Variants in SIK2 observed in about 807,000 individuals in gnomAD.
SIK2 encodes the protein serine/threonine-protein kinase SIK2.
A neutral mutation model predicts 103.2 loss-of-function variants in SIK2; 29 were observed. The ratio of observed to expected loss-of-function variants is 0.28; its 90% CI spans 0.21 to 0.38. The LOEUF (loss-of-function observed/expected upper bound fraction) is 0.38, where lower values mean the gene tolerates loss of function less well. Among genes scored for constraint, SIK2 ranks in the 10% least tolerant of loss-of-function variants. The pLI, the probability that SIK2 is intolerant of heterozygous loss-of-function variation, is 1.00. For synonymous variants in SIK2, 412 were observed against 446.1 expected, an observed-to-expected ratio of 0.92 and a Z score of 0.96; for missense variants, 879 against 1,171.0, an observed-to-expected ratio of 0.75 and a Z score of 3.64.
At chr11:111,713,964 C>G (rs1329626169) in intron 9 of SIK2, among the ~76,000 whole-genome samples, 1 of 151,396 alleles carries the variant, frequency 6.6e-6, no homozygotes, top group African/African-American at 2.4e-5. Flanking sequence ...AAGACTGCAT[C>G]TCAAAAAAAA....
chr11:111,614,620 T>TGAG (rs1249631421), intron 1 of SIK2, among the ~76,000 whole-genome samples: 1 of 152,150 alleles, frequency 6.6e-6, no homozygotes, highest in Non-Finnish European at 1.5e-5. Context: ...TTGAGTGGGC[T>TGAG]GAGGAGGAGG....
At position 111,722,356 on chromosome 11, in the gene SIK2, G is replaced by A. The variant is rs541853726; in HGVS notation, c.2056-309G>A. On this transcript the variant is annotated intron_variant, in intron 13 of 14. Coordinates refer to ENST00000304987, the MANE Select transcript of SIK2 (RefSeq NM_015191.3). The surrounding 1 kb of genome is among the most constrained non-coding windows in gnomAD (Gnocchi z 4.4). Reference sequence around the variant, plus strand: ...GTAAAGGATGAATCATTCATTCAGCGGGTGCTGGGGCCTTTGCTCTCAAGA... The same window carrying A: ...GTAAAGGATGAATCATTCATTCAGCAGGTGCTGGGGCCTTTGCTCTCAAGA... 9.8e-5 allele frequency among the ~76,000 whole-genome samples: 15 copies of A among 152,324 alleles called. No homozygotes were observed. The highest frequency in any genetic ancestry group is 8.3e-4 in the South Asian group (4 of 4,828).
chr11:111,719,769 G>T lies in SIK2; in HGVS notation c.1267-6G>T. The T allele has an allele frequency of 1.2e-6, 2 of 1,611,880 alleles. No homozygotes were observed. Among genetic ancestry groups the T allele is most frequent in the Non-Finnish European group, 1.7e-6 (2 of 1,178,990 alleles). ...AACTGAGTTTCCTCTCTCCCCTGGC[G>T]TTTAGGTCAATGGCTGTCTGCTTGA... is the stretch of plus-strand genomic sequence containing the variant. On this transcript the variant is annotated splice_polypyrimidine_tract_variant and splice_region_variant and intron_variant, in intron 9 of 14. Coordinates refer to ENST00000304987, the MANE Select transcript of SIK2 (RefSeq NM_015191.3).
At chr11:111,707,135 T>C (rs1198662362) in intron 8 of SIK2, among the ~76,000 whole-genome samples, 4 of 152,218 alleles carry the variant, frequency 2.6e-5, no homozygotes, top group Admixed American at 6.5e-5. Flanking sequence ...TAAGACGTAG[T>C]GGAACTCTTT....
At chr11:111,723,383 C>G in intron 14 of SIK2, 113 bp from the exon 15 acceptor site, 2 of 1,188,562 alleles carry the variant, frequency 1.7e-6, no homozygotes, top group South Asian at 3.1e-5. Context: ...TTTTTGCTGA[C>G]ATGAGAGAGA....
intron 3 of SIK2, among the ~76,000 whole-genome samples, chr11:111,633,411 C>A (rs1264378954): frequency 1.3e-5 from 2 of 152,120 alleles, no homozygotes; most frequent in South Asian, 2.1e-4. Context: ...TTTACAAATA[C>A]CTGTTGAATG....
chr11:111,643,640 G>C (rs561435978), intron 3 of SIK2, among the ~76,000 whole-genome samples: 1 of 150,682 alleles, frequency 6.6e-6, no homozygotes. Flanking sequence ...GTGAAACCCC[G>C]TCTCTACTAA....
chr11:111,705,154 G>C lies in SIK2; in HGVS notation c.1101+15G>C, dbSNP rs112044269. ...CAGTTGCCAAGGTAATGCCCCCTTA[G>C]CTGAGAGTCTTATCTGTGCATGTGC... On this transcript the variant is annotated intron_variant, in intron 8 of 14. Transcript: ENST00000304987. The surrounding 1 kb of genome is among the most constrained non-coding windows in gnomAD (Gnocchi z 4.3). 1.4e-5 allele frequency: 22 copies of C among 1,548,194 alleles called. No individual in the cohort carries two copies. Among genetic ancestry groups the C allele is most frequent in the African/African-American group, 1.3e-4 (9 of 70,650 alleles).
chr11:111,673,795 C>T (rs1282345537), intron 3 of SIK2, among the ~76,000 whole-genome samples: 2 of 152,172 alleles, frequency 1.3e-5, no homozygotes, highest in Non-Finnish European at 2.9e-5. Flanking sequence ...CTCAGAGAGG[C>T]TGGGCGTGGT....
At chr11:111,672,047 C>T in intron 3 of SIK2, 5 of 510,868 alleles carry the variant, frequency 9.8e-6, no homozygotes, top group Admixed American at 2.1e-5. Flanking sequence ...TTCTGCTGCT[C>T]CAGGAACCAC....
chr11:111,671,360 T>A, intron 3 of SIK2: 1 of 240,342 alleles, frequency 4.2e-6, no homozygotes, highest in Non-Finnish European at 8.3e-6. Context: ...TTGGCATTGG[T>A]GTGCTTAATG....
intron 3 of SIK2, among the ~76,000 whole-genome samples, chr11:111,620,778 G>A (rs1419275325): frequency 2.0e-5 from 3 of 152,022 alleles, no homozygotes; most frequent in South Asian, 4.2e-4. Flanking sequence ...AGGTAATGGG[G>A]ATACTCTAGT....
At chr11:111,653,574 T>C (rs115923324) in intron 3 of SIK2, among the ~76,000 whole-genome samples, 224 of 152,342 alleles carry the variant, frequency 1.5e-3, no homozygotes, top group African/African-American at 5.3e-3. Context: ...TGAGGTGTAA[T>C]GAAGGCTTGT....
At chr11:111,659,655 G>C (rs1452736672) in intron 3 of SIK2, among the ~76,000 whole-genome samples, 1 of 150,490 alleles carries the variant, frequency 6.6e-6, no homozygotes, top group Admixed American at 6.6e-5. Context: ...GTTCCACACA[G>C]CTCACTGGCA....
chr11:111,679,965 AT>A (rs1242521512), intron 3 of SIK2, among the ~76,000 whole-genome samples: 1 of 152,166 alleles, frequency 6.6e-6, no homozygotes, highest in African/African-American at 2.4e-5. Flanking sequence ...TCTACTAAAA[AT>A]AAAAAATTAG....
intron 9 of SIK2, among the ~76,000 whole-genome samples, chr11:111,714,018 A>G (rs143088153): frequency 5.4e-4 from 83 of 152,362 alleles, no homozygotes; most frequent in Middle Eastern, 3.4e-3. Flanking sequence ...TATAAATCAG[A>G]ACGAGGCAGG....
intron 3 of SIK2, among the ~76,000 whole-genome samples, chr11:111,676,309 T>G (rs1942702873): frequency 6.6e-6 from 1 of 152,246 alleles, no homozygotes; most frequent in South Asian, 2.1e-4. Flanking sequence ...ACAGCAATTC[T>G]GTTTTATCTT....
At chr11:111,628,420 T>TTCTC (rs1165831003) in intron 3 of SIK2, among the ~76,000 whole-genome samples, 1 of 57,696 alleles carries the variant, frequency 1.7e-5, no homozygotes, top group African/African-American at 1.6e-4. Flanking sequence ...TTTCATATCT[T>TTCTC]TCTTTCTTTC....
intron 7 of SIK2, among the ~76,000 whole-genome samples, chr11:111,703,917 G>GAACTGTGAAA (rs1943275457): frequency 6.6e-6 from 1 of 152,172 alleles, no homozygotes; most frequent in African/African-American, 2.4e-5. Flanking sequence ...GAACTGTGAA[G>GAACTGTGAAA]GGTCATGAAC....
Sources: allele counts gnomAD v4.1 joint callset (sites outside exome capture counted in the v4.1 genomes callset), GRCh38; gene constraint gnomAD v4.1.1; non-coding constraint Gnocchi (gnomAD v3.1); transcripts MANE v1.5; gene names NCBI Gene and HGNC (gene_info 2026-07-23, HGNC 2026-07-21).